Variants in NLGN4X observed in about 807,000 individuals in gnomAD.
The protein encoded by NLGN4X is neuroligin 4 X-linked, also known as neuroligin-4, X-linked.
NLGN4X carries 3 observed loss-of-function variants against 40.3 expected under a neutral mutation model. The ratio of observed to expected loss-of-function variants is 0.07; its 90% CI spans 0.03 to 0.19. The LOEUF is 0.19. NLGN4X is among the 10% of genes least tolerant of loss of function. The pLI is 1.00. For missense variants in NLGN4X, 382 were observed against 708.3 expected (o/e 0.54, Z 5.23); for synonymous variants, 270 against 306.8 (o/e 0.88, Z 1.25).
At chrX:6,226,498 G>C (rs1324530248) in intron 1 of NLGN4X, 1 of 111,939 alleles carries the variant, frequency 8.9e-6, no homozygotes, top group Non-Finnish European at 1.9e-5. Flanking sequence ...GGAAGAAAGG[G>C]CGCTGTGTCT....
At chrX:5,902,742 C>G (rs2031942607) in intron 5 of NLGN4X, among the ~76,000 whole-genome samples, 2 of 112,238 alleles carry the variant, frequency 1.8e-5, no homozygotes, top group Non-Finnish European at 3.8e-5. Flanking sequence ...TTAACAGAAC[C>G]ATCATATATG....
chrX:6,091,592 T>TA (rs764111542), intron 2 of NLGN4X, among the ~76,000 whole-genome samples: 13 of 110,009 alleles, frequency 1.2e-4, no homozygotes, highest in Non-Finnish European at 2.3e-4. Context: ...TTCATTCACA[T>TA]AAAAAAAAAG....
chrX:5,986,352 A>T (rs1264438195), intron 3 of NLGN4X, among the ~76,000 whole-genome samples: 1 of 112,384 alleles, frequency 8.9e-6, no homozygotes, highest in Admixed American at 9.5e-5. Flanking sequence ...AAACTGTTTA[A>T]AATAAATTGT....
Position 5,943,260 on chromosome X carries a change from A to T in NLGN4X, c.626-34021T>A, listed in dbSNP as rs745466551. On this transcript the variant is annotated intron_variant, in intron 3 of 5. Transcript: ENST00000381095. ...AATTTGCCCTCAGCCAATAGCCTGCAAGGAAGCAGGAACCTCAACCCCATG... is the reference window on the plus strand; with the variant it reads ...AATTTGCCCTCAGCCAATAGCCTGCTAGGAAGCAGGAACCTCAACCCCATG... Among the ~76,000 whole-genome samples, 12 of 111,735 alleles carry T rather than the reference A, an allele frequency of 1.1e-4. No homozygotes were observed. The East Asian group carries it at 3.1e-3, about 29-fold the overall frequency.
chrX:5,974,077 C>G (rs1354523944), intron 3 of NLGN4X, among the ~76,000 whole-genome samples: 2 of 111,663 alleles, frequency 1.8e-5, no homozygotes, highest in Non-Finnish European at 3.8e-5. Context: ...ACTGGCATTT[C>G]CATGGCTGTT....
At chrX:5,956,027 G>C (rs771678221) in intron 3 of NLGN4X, among the ~76,000 whole-genome samples, 3 of 109,629 alleles carry the variant, frequency 2.7e-5, no homozygotes, top group African/African-American at 9.9e-5. Flanking sequence ...GAGCTGTAGT[G>C]TCAATATGCA....
chrX:6,197,619 T>C (rs759572928), intron 1 of NLGN4X, among the ~76,000 whole-genome samples: 3 of 110,453 alleles, frequency 2.7e-5, no homozygotes, highest in Middle Eastern at 9.2e-3. Flanking sequence ...CTTTATCCTA[T>C]GGTATTCATA....
intron 3 of NLGN4X, among the ~76,000 whole-genome samples, chrX:5,929,856 C>T (rs1330189676): frequency 1.8e-5 from 2 of 112,081 alleles, no homozygotes; most frequent in Non-Finnish European, 3.8e-5. Context: ...TGCTTAGATA[C>T]TTAGGTTTGA....
At chrX:6,182,169 G>T (rs1011094494) in intron 1 of NLGN4X, among the ~76,000 whole-genome samples, 2 of 111,799 alleles carry the variant, frequency 1.8e-5, no homozygotes, top group Non-Finnish European at 3.8e-5. Context: ...CATGAAATGG[G>T]ATAGAAAAGG....
chrX:6,148,132 A>C (rs2040089777), intron 2 of NLGN4X, among the ~76,000 whole-genome samples: 1 of 112,758 alleles, frequency 8.9e-6, no homozygotes, highest in African/African-American at 3.2e-5. Context: ...TGTAAGGATA[A>C]GTACGTATCT....
intron 1 of NLGN4X, among the ~76,000 whole-genome samples, chrX:6,208,838 T>A (rs755114953): frequency 2.5e-4 from 28 of 111,659 alleles, no homozygotes; most frequent in Non-Finnish European, 4.5e-4. Flanking sequence ...CTCAAAGAAC[T>A]AAAAATAGAA....
intron 1 of NLGN4X, among the ~76,000 whole-genome samples, chrX:6,210,116 T>C (rs988517425): frequency 2.7e-5 from 3 of 111,879 alleles, no homozygotes; most frequent in Non-Finnish European, 5.6e-5. Flanking sequence ...GGCCTCTCTT[T>C]AGCCTCTATC....
At chrX:6,054,394 C>A (rs1042695669) in intron 2 of NLGN4X, among the ~76,000 whole-genome samples, 4 of 110,773 alleles carry the variant, frequency 3.6e-5, no homozygotes, top group African/African-American at 1.3e-4. Context: ...GTGGGAGGAT[C>A]GTATGAGGCC....
chrX:5,895,800 AC>A (rs2031455386), intron 5 of NLGN4X, among the ~76,000 whole-genome samples: 1 of 111,603 alleles, frequency 9.0e-6, no homozygotes, highest in Admixed American at 9.5e-5. Flanking sequence ...TTACTGATAA[AC>A]AATATATTTG....
intron 3 of NLGN4X, among the ~76,000 whole-genome samples, chrX:5,964,177 G>A (rs771672942): frequency 5.4e-5 from 6 of 111,598 alleles, no homozygotes; most frequent in African/African-American, 1.9e-4. Flanking sequence ...ACTCACTCCC[G>A]AATAATTTGC....
chrX:6,064,813 G>C (rs2037865867), intron 2 of NLGN4X, among the ~76,000 whole-genome samples: 1 of 111,437 alleles, frequency 9.0e-6, no homozygotes, highest in African/African-American at 3.3e-5. Context: ...ACATGCACCT[G>C]CATGTTCAGC....
chrX:6,148,133 G>A (rs2040089930), intron 2 of NLGN4X, among the ~76,000 whole-genome samples: 1 of 112,488 alleles, frequency 8.9e-6, no homozygotes, highest in Non-Finnish European at 1.9e-5. Flanking sequence ...GTAAGGATAA[G>A]TACGTATCTA....
Position 5,891,038 on chromosome X carries a change from T to C in NLGN4X, c.*1779A>G. The C allele has an allele frequency of 3.3e-6, 1 of 301,649 alleles. No homozygotes were observed. Among genetic ancestry groups the C allele is most frequent in the East Asian group, 1.0e-4 (1 of 9,849 alleles). 24.9% of individuals were successfully genotyped at this position (301,649 alleles called of 1,213,427 possible). ...AGCCGAGGAACATGATCTTCAAATATCTTTGGCTACTGTTTCTTGGTAATG... is the reference window on the plus strand; with the variant it reads ...AGCCGAGGAACATGATCTTCAAATACCTTTGGCTACTGTTTCTTGGTAATG... On this transcript the variant is annotated 3_prime_UTR_variant, in exon 6 of 6. Transcript: ENST00000381095.
intron 4 of NLGN4X, among the ~76,000 whole-genome samples, chrX:5,908,598 C>T (rs1156712275): frequency 8.9e-6 from 1 of 111,812 alleles, no homozygotes; most frequent in Non-Finnish European, 1.9e-5. Flanking sequence ...CTAATTGTCA[C>T]ACATTTAAAT....
Sources: allele counts gnomAD v4.1 joint callset (sites outside exome capture counted in the v4.1 genomes callset), GRCh38; gene constraint gnomAD v4.1.1; transcripts MANE v1.5; gene names NCBI Gene and HGNC (gene_info 2026-07-23, HGNC 2026-07-21).